The following NIPSNAP3B variants were observed in gnomAD, a reference collection of about 807,000 sequenced individuals.
NIPSNAP3B encodes protein NipSnap homolog 3B.
A neutral mutation model predicts 31.5 loss-of-function variants in NIPSNAP3B; 30 were observed. That is an observed-to-expected ratio of 0.95 (90% CI 0.71 to 1.29). NIPSNAP3B has a LOEUF of 1.29. Ranked by LOEUF, NIPSNAP3B falls within the 50% of genes most tolerant of loss-of-function variation. The pLI, the probability that NIPSNAP3B is intolerant of heterozygous loss-of-function variation, is 0.00. For missense variants in NIPSNAP3B, 269 were observed against 300.7 expected (o/e 0.89, Z 0.78); for synonymous variants, 106 against 107.9 (o/e 0.98, Z 0.11).
chr9:104,778,437 G>C (rs1407973781), downstream of NIPSNAP3B, among the ~76,000 whole-genome samples: 1 of 152,054 alleles, frequency 6.6e-6, no homozygotes, highest in Non-Finnish European at 1.5e-5. Flanking sequence ...CACCATGTTA[G>C]GCTGGTCGCA....
intron 1 of NIPSNAP3B, 131 bp from the exon 2 acceptor site, chr9:104,766,194 A>G: frequency 3.0e-6 from 2 of 665,860 alleles, no homozygotes; most frequent in Non-Finnish European, 5.3e-6. Context: ...GTGTATATGG[A>G]GAATTGACAA....
At chr9:104,767,384 T>C (rs1828111141) in intron 2 of NIPSNAP3B, among the ~76,000 whole-genome samples, 1 of 152,078 alleles carries the variant, frequency 6.6e-6, no homozygotes, top group Non-Finnish European at 1.5e-5. Context: ...GTAACAAGAA[T>C]CCCCAGAATG....
At chr9:104,779,099 C>A (rs749667381), downstream of NIPSNAP3B, among the ~76,000 whole-genome samples, 2 of 152,174 alleles carry the variant, frequency 1.3e-5, no homozygotes, top group Non-Finnish European at 2.9e-5. Flanking sequence ...ATCCTTCGCA[C>A]CCACCTTGAA....
chr9:104,769,405 GATCTCGCCACTGCA>G (rs1828161579), intron 3 of NIPSNAP3B, among the ~76,000 whole-genome samples: 1 of 134,534 alleles, frequency 7.4e-6, no homozygotes, highest in Non-Finnish European at 1.5e-5. Context: ...AGTGAGCCGA[GATCTCGCCACTGCA>G]CTCCAGCCTG....
intron 1 of NIPSNAP3B, 34 bp from the exon 2 acceptor site, chr9:104,766,291 C>T (rs911666323): frequency 1.3e-6 from 2 of 1,571,998 alleles, no homozygotes; most frequent in African/African-American, 1.4e-5. Flanking sequence ...ATTGTACCTT[C>T]CCAAGATATT....
At chr9:104,785,524 G>A in the NIPSNAP3B span, 36 of 1,613,476 alleles carry the variant, frequency 2.2e-5, no homozygotes, top group South Asian at 5.5e-5. Flanking sequence ...AGCATGTTCC[G>A]GTGTTTCTCT....
the NIPSNAP3B span, chr9:104,787,744 C>G: frequency 1.2e-6 from 1 of 801,556 alleles, no homozygotes; most frequent in Non-Finnish European, 1.5e-6. Context: ...AGGCATGGTA[C>G]AGCCACCCCA....
intron 1 of NIPSNAP3B, among the ~76,000 whole-genome samples, chr9:104,765,580 A>G (rs763515238): frequency 1.3e-5 from 2 of 152,238 alleles, no homozygotes; most frequent in Non-Finnish European, 2.9e-5. Flanking sequence ...GGATAGTTCC[A>G]TAAACTTGGT....
intron 2 of NIPSNAP3B, among the ~76,000 whole-genome samples, chr9:104,768,522 C>T (rs1237164885): frequency 1.3e-5 from 2 of 152,320 alleles, no homozygotes; most frequent in East Asian, 3.9e-4. Flanking sequence ...CTCACAACAA[C>T]ACTGGAGGTA....
chr9:104,777,579 C>T lies in NIPSNAP3B; in HGVS notation c.*4506C>T, dbSNP rs1230100297. On this transcript the variant is annotated 3_prime_UTR_variant, in exon 6 of 6. Coordinates refer to ENST00000374762, the MANE Select transcript of NIPSNAP3B (RefSeq NM_018376.4). ...AAGTTTTTGAATCACAGGCTTCTGC[C>T]TTGAAAGGGCAAGTCCGTGGTGGTC... 6.6e-6 allele frequency: 1 copy of T among 152,218 alleles called. No homozygotes were observed. Among genetic ancestry groups the T allele is most frequent in the Non-Finnish European group, 1.5e-5 (1 of 68,070 alleles). The allele number at this position is 152,218 out of a possible 1,614,324, so 9.4% of individuals were successfully genotyped here. A position where few individuals can be genotyped will look rare whatever the true frequency, so the allele number is the denominator to read the frequency against.
the NIPSNAP3B span, chr9:104,787,928 C>A: frequency 6.2e-7 from 1 of 1,614,066 alleles, no homozygotes; most frequent in Non-Finnish European, 8.5e-7. Flanking sequence ...ACCAGAAACA[C>A]CACAGGAGGC....
Position 104,777,032 on chromosome 9 carries a change from A to G in NIPSNAP3B, c.*3959A>G, listed in dbSNP as rs182700621. 2 of 152,352 alleles carry G rather than the reference A, an allele frequency of 1.3e-5. No homozygotes were observed. The highest frequency in any genetic ancestry group is 4.8e-5 in the African/African-American group (2 of 41,576). The allele number at this position is 152,352 out of a possible 1,614,324, so 9.4% of individuals were successfully genotyped here. A position where few individuals can be genotyped will look rare whatever the true frequency, so the allele number is the denominator to read the frequency against. ...GAATGACTCAGTAGAAGTTCTGGCT[A>G]TGGGGGAGTGCCATCAATAAATAAA... On this transcript the variant is annotated 3_prime_UTR_variant, in exon 6 of 6. Transcript: ENST00000374762.
chr9:104,766,350 C>CA lies in NIPSNAP3B; in HGVS notation c.86_87insA (p.Arg30Ter). On this transcript the variant is annotated frameshift_variant, in exon 2 of 6. Coordinates refer to ENST00000374762, the MANE Select transcript of NIPSNAP3B (RefSeq NM_018376.4). LOFTEE classifies it high-confidence loss of function. ...GTGTGTTCATCTTTTGCTACGGGCCCTAGACAATACGATGGAACGTTCTAT... is the reference window on the plus strand; with the variant it reads ...GTGTGTTCATCTTTTGCTACGGGCCCATAGACAATACGATGGAACGTTCTAT... 6.2e-6 allele frequency: 10 copies of CA among 1,613,588 alleles called. No individual in the cohort carries two copies. The highest frequency in any genetic ancestry group is 8.5e-6 in the Non-Finnish European group (10 of 1,179,614).
chr9:104,787,258 G>A, the NIPSNAP3B span, among the ~76,000 whole-genome samples: 4 of 152,054 alleles, frequency 2.6e-5, no homozygotes, highest in Non-Finnish European at 5.9e-5. Flanking sequence ...CCATTTAGTT[G>A]TAATTATCTT....
chr9:104,765,027 T>C (rs1332427604), intron 1 of NIPSNAP3B, among the ~76,000 whole-genome samples: 1 of 152,230 alleles, frequency 6.6e-6, no homozygotes, highest in African/African-American at 2.4e-5. Context: ...AAACTGTAGA[T>C]ACTAAGCAGT....
At chr9:104,787,883 G>A in the NIPSNAP3B span, 1 of 1,613,836 alleles carries the variant, frequency 6.2e-7, no homozygotes, top group Non-Finnish European at 8.5e-7. Context: ...TTCCACTCAG[G>A]CCAGAACAAC....
At chr9:104,790,838 T>C in the NIPSNAP3B span, 1 of 965,066 alleles carries the variant, frequency 1.0e-6, no homozygotes, top group South Asian at 1.3e-5. Flanking sequence ...AAAATACCAC[T>C]GTAATCAAAA....
rs1828338297 is a variant in NIPSNAP3B, at chr9:104,776,438, G to A, written c.*3365G>A. ...TGTTGAAGCCTTAATCTCAACATAG[G>A]AGGTTTGGCCTTTGTGAGTTAGTTT... On this transcript the variant is annotated 3_prime_UTR_variant, in exon 6 of 6. Coordinates refer to ENST00000374762, the MANE Select transcript of NIPSNAP3B (RefSeq NM_018376.4). Among the ~76,000 whole-genome samples, 1 of 152,140 alleles carries A rather than the reference G, an allele frequency of 6.6e-6. No individual in the cohort carries two copies. Among genetic ancestry groups the A allele is most frequent in the Non-Finnish European group, 1.5e-5 (1 of 68,038 alleles).
downstream of NIPSNAP3B, among the ~76,000 whole-genome samples, chr9:104,779,167 T>C (rs917568175): frequency 2.0e-5 from 3 of 152,202 alleles, no homozygotes; most frequent in Non-Finnish European, 2.9e-5. Context: ...GAAAAGGCCA[T>C]CTCTGACTTC....
Sources: allele counts gnomAD v4.1 joint callset (sites outside exome capture counted in the v4.1 genomes callset), GRCh38; gene constraint gnomAD v4.1.1; transcripts MANE v1.5; gene names NCBI Gene and HGNC (gene_info 2026-07-23, HGNC 2026-07-21).